Variants in PCDH15 observed in about 807,000 individuals in gnomAD.
The protein encoded by PCDH15 is protocadherin related 15.
Under a neutral mutation model 178.5 loss-of-function variants are expected in PCDH15, and 129 were observed. The ratio of observed to expected loss-of-function variants is 0.72; its 90% CI spans 0.63 to 0.84. The LOEUF is 0.84. PCDH15 is among the 40% of genes least tolerant of loss of function. The pLI is 0.00. For synonymous variants in PCDH15, 800 were observed against 732.0 expected (o/e 1.09, Z -1.50); for missense variants, 2,230 against 2,099.9 (o/e 1.06, Z -1.21).
chr10:55,063,489 C>T (rs1841490334), intron 2 of PCDH15, among the ~76,000 whole-genome samples: 1 of 152,010 alleles, frequency 6.6e-6, no homozygotes, highest in Non-Finnish European at 1.5e-5. Flanking sequence ...CCATTTTTCC[C>T]TCATACTAGT....
chr10:53,916,286 GA>G (rs1168526715), intron 25 of PCDH15, among the ~76,000 whole-genome samples: 3 of 152,026 alleles, frequency 2.0e-5, no homozygotes, highest in Non-Finnish European at 4.4e-5. Flanking sequence ...AAATAATCAG[GA>G]AAAAACAGTA....
intron 2 of PCDH15, among the ~76,000 whole-genome samples, chr10:54,557,341 T>A (rs2133293923): frequency 6.6e-6 from 1 of 152,228 alleles, no homozygotes; most frequent in Non-Finnish European, 1.5e-5. Flanking sequence ...ACCAAAAAAT[T>A]GTTATCTTTG....
At chr10:55,072,222 G>A (rs1162590284) in intron 2 of PCDH15, among the ~76,000 whole-genome samples, 1 of 152,096 alleles carries the variant, frequency 6.6e-6, no homozygotes, top group Non-Finnish European at 1.5e-5. Flanking sequence ...TCAAAAGCTA[G>A]CAGAAGGCAA....
intron 15 of PCDH15, among the ~76,000 whole-genome samples, chr10:54,105,285 T>G (rs1334266040): frequency 4.2e-5 from 2 of 47,092 alleles, no homozygotes; most frequent in East Asian, 5.3e-4. Context: ...GAGATATATA[T>G]ATATATATAT....
At chr10:54,490,099 G>A (rs1589681307) in intron 3 of PCDH15, among the ~76,000 whole-genome samples, 1 of 152,276 alleles carries the variant, frequency 6.6e-6, no homozygotes, top group South Asian at 2.1e-4. Flanking sequence ...ACAGCCAGAG[G>A]AACAAGCATG....
intron 2 of PCDH15, among the ~76,000 whole-genome samples, chr10:54,572,621 A>T (rs981392012): frequency 6.6e-6 from 1 of 152,090 alleles, no homozygotes; most frequent in African/African-American, 2.4e-5. Flanking sequence ...AAATGTATTA[A>T]ATATGTTTTG....
At chr10:55,083,732 A>G (rs989391836) in intron 2 of PCDH15, among the ~76,000 whole-genome samples, 1 of 151,962 alleles carries the variant, frequency 6.6e-6, no homozygotes, top group Non-Finnish European at 1.5e-5. Flanking sequence ...GTAGGGTACA[A>G]AATTAATACA....
At chr10:55,053,347 C>A (rs1483710156) in intron 2 of PCDH15, among the ~76,000 whole-genome samples, 3 of 152,102 alleles carry the variant, frequency 2.0e-5, no homozygotes, top group Non-Finnish European at 2.9e-5. Context: ...AGCATGCTAA[C>A]CCAGCACCGA....
At chr10:54,283,010 T>C (rs1294343554) in intron 8 of PCDH15, among the ~76,000 whole-genome samples, 1 of 151,942 alleles carries the variant, frequency 6.6e-6, no homozygotes, top group Non-Finnish European at 1.5e-5. Flanking sequence ...TAGACCTTAC[T>C]ATGAAAAAAA....
chr10:54,177,979 GTA>G (rs945603037), intron 13 of PCDH15, among the ~76,000 whole-genome samples: 7 of 152,064 alleles, frequency 4.6e-5, no homozygotes, highest in African/African-American at 1.7e-4. Flanking sequence ...TGGGAGACAA[GTA>G]TATATAGAGG....
At chr10:54,377,375 T>C (rs893107865) in intron 4 of PCDH15, among the ~76,000 whole-genome samples, 2 of 152,124 alleles carry the variant, frequency 1.3e-5, no homozygotes, top group East Asian at 1.9e-4. Flanking sequence ...TAATGGTCTA[T>C]AGGACACATA....
intron 5 of PCDH15, among the ~76,000 whole-genome samples, chr10:54,350,250 A>G (rs1379296741): frequency 3.3e-5 from 5 of 152,084 alleles, no homozygotes; most frequent in Non-Finnish European, 5.9e-5. Flanking sequence ...TTTCTCCCTA[A>G]TTTCACAAAT....
chr10:53,982,454 C>A (rs1365235018), intron 21 of PCDH15, among the ~76,000 whole-genome samples: 25 of 152,052 alleles, frequency 1.6e-4, no homozygotes, highest in African/African-American at 4.6e-4. Flanking sequence ...GATTAAGAAA[C>A]TGTGGCACAT....
chr10:54,692,366 G>T (rs1393387149), intron 1 of PCDH15, among the ~76,000 whole-genome samples: 1 of 152,124 alleles, frequency 6.6e-6, no homozygotes, highest in Non-Finnish European at 1.5e-5. Context: ...GTATACGTTT[G>T]CTTCCAGCAG....
At chr10:54,134,201 A>T (rs986334706) in intron 14 of PCDH15, among the ~76,000 whole-genome samples, 11 of 132,524 alleles carry the variant, frequency 8.3e-5, no homozygotes, top group African/African-American at 2.6e-4. Context: ...GTGTCAAAAT[A>T]TCTGGCTAAT....
intron 3 of PCDH15, among the ~76,000 whole-genome samples, chr10:54,859,927 C>T (rs887609285): frequency 1.3e-5 from 2 of 151,850 alleles, no homozygotes; most frequent in Non-Finnish European, 2.9e-5. Context: ...TTCTAAACTG[C>T]TCATACTCTT....
At chr10:54,249,859 A>G (rs1244085207) in intron 8 of PCDH15, among the ~76,000 whole-genome samples, 1 of 152,172 alleles carries the variant, frequency 6.6e-6, no homozygotes, top group East Asian at 1.9e-4. Flanking sequence ...TTTATCATTT[A>G]TAACAGAAAT....
chr10:54,325,911 T>C (rs1937940430), intron 7 of PCDH15, among the ~76,000 whole-genome samples: 2 of 151,628 alleles, frequency 1.3e-5, no homozygotes, highest in African/African-American at 4.8e-5. Flanking sequence ...TGTCTCAAAA[T>C]AAATAAATAA....
In PCDH15 at chr10:54,886,746, C is replaced by T. The variant is rs190169032; in HGVS notation, c.-29+10704G>A. Among the ~76,000 whole-genome samples the T allele has an allele frequency of 3.7e-4, 56 of 152,340 alleles. 1 individual carries two copies. The East Asian group carries it at 9.5e-3, about 26-fold the overall frequency. On this transcript the variant is annotated intron_variant, in intron 3 of 5. Coordinates refer to the PCDH15 transcript ENST00000458638. Reference sequence around the variant, plus strand: ...CAGCCTAGGCGACAGAGCCAGACTCCGTCTCAATAAAAGAAAGAATGATCT... The same window carrying T: ...CAGCCTAGGCGACAGAGCCAGACTCTGTCTCAATAAAAGAAAGAATGATCT...
Sources: allele counts gnomAD v4.1 joint callset (sites outside exome capture counted in the v4.1 genomes callset), GRCh38; gene constraint gnomAD v4.1.1; transcripts MANE v1.5; gene names NCBI Gene and HGNC (gene_info 2026-07-23, HGNC 2026-07-21).